Variants in CDH4 observed in about 807,000 individuals in gnomAD.
CDH4 encodes the protein cadherin 4, also known as cadherin-4.
Under a neutral mutation model 86.0 loss-of-function variants are expected in CDH4, and 33 were observed. The ratio of observed to expected loss-of-function variants is 0.38; its 90% CI spans 0.29 to 0.51. CDH4 has a LOEUF of 0.51. Among genes scored for constraint, CDH4 ranks in the 20% least tolerant of loss-of-function variants. The probability of loss-of-function intolerance (pLI) is 0.86; values close to 1 mark genes in which losing one functional copy is unlikely to be tolerated. For synonymous variants in CDH4, 555 were observed against 549.4 expected (o/e 1.01, Z -0.14); for missense variants, 1,114 against 1,307.4 (o/e 0.85, Z 2.28).
chr20:61,768,019 G>A (rs957071891), intron 3 of CDH4, among the ~76,000 whole-genome samples: 8 of 152,212 alleles, frequency 5.3e-5, no homozygotes, highest in African/African-American at 1.9e-4. Flanking sequence ...CAGATCTGCA[G>A]GCACGAGCTT....
intron 2 of CDH4, among the ~76,000 whole-genome samples, chr20:61,494,468 G>A (rs913083075): frequency 1.3e-5 from 2 of 152,132 alleles, no homozygotes; most frequent in African/African-American, 4.8e-5. Flanking sequence ...AAATACAGAA[G>A]GGCTCAATTG....
Position 61,459,644 on chromosome 20 carries a change from CT to C in CDH4, c.169+204708del, listed in dbSNP as rs2085430792. Among the ~76,000 whole-genome samples the C allele has an allele frequency of 2.0e-5, 3 of 151,382 alleles. No individual in the cohort carries two copies. In the South Asian group the frequency reaches 6.5e-4, roughly 33 times the overall value. Reference sequence around the variant, plus strand: ...ATGGTGAGGACACCATAGATGCGGGCTGACAAGGCTGACCTGTGGTCCAGGG... The same window carrying C: ...ATGGTGAGGACACCATAGATGCGGGCGACAAGGCTGACCTGTGGTCCAGGG... On this transcript the variant is annotated intron_variant, in intron 2 of 15. Coordinates refer to ENST00000614565, the MANE Select transcript of CDH4 (RefSeq NM_001794.5).
intron 4 of CDH4, among the ~76,000 whole-genome samples, chr20:61,797,510 G>A (rs1203912276): frequency 4.6e-5 from 7 of 152,310 alleles, no homozygotes; most frequent in South Asian, 4.1e-4. Context: ...AAAAACATCC[G>A]GCCTCTGGCA....
chr20:61,927,028 C>T (rs1472810331), intron 11 of CDH4, among the ~76,000 whole-genome samples: 7 of 152,212 alleles, frequency 4.6e-5, no homozygotes, highest in South Asian at 2.1e-4. Flanking sequence ...TCTCCGATCA[C>T]GTGCCGTGCC....
chr20:61,876,648 G>A (rs1458129819), intron 7 of CDH4, among the ~76,000 whole-genome samples: 2 of 152,136 alleles, frequency 1.3e-5, no homozygotes, highest in Non-Finnish European at 2.9e-5. Context: ...ATGATAAGCT[G>A]GGGATCTAAA....
chr20:61,433,413 A>G (rs574628241), intron 2 of CDH4, among the ~76,000 whole-genome samples: 63 of 152,208 alleles, frequency 4.1e-4, no homozygotes, highest in African/African-American at 1.5e-3. Flanking sequence ...GAAATCTGGT[A>G]GCGTCAGCCA....
intron 2 of CDH4, among the ~76,000 whole-genome samples, chr20:61,690,995 C>T (rs1434918430): frequency 6.6e-6 from 1 of 152,190 alleles, no homozygotes; most frequent in African/African-American, 2.4e-5. Flanking sequence ...CCCAGCCCTT[C>T]CTGGGTCGAG....
At chr20:61,679,798 C>A (rs557340766) in intron 2 of CDH4, among the ~76,000 whole-genome samples, 2 of 152,356 alleles carry the variant, frequency 1.3e-5, no homozygotes, top group South Asian at 2.1e-4. Context: ...GCAGCAGAAA[C>A]CTGGACCACA....
chr20:61,838,842 AG>A (rs1982002012), intron 4 of CDH4, among the ~76,000 whole-genome samples: 1 of 116,910 alleles, frequency 8.6e-6, no homozygotes, highest in South Asian at 3.3e-4. Context: ...AAAAAAAGAA[AG>A]AAAGAAAAGG....
intron 2 of CDH4, among the ~76,000 whole-genome samples, chr20:61,693,874 C>CTCTT (rs1235918729): frequency 3.4e-5 from 5 of 146,894 alleles, no homozygotes; most frequent in Non-Finnish European, 6.0e-5. Context: ...TTCTCAGACA[C>CTCTT]TCTTTCTTTC....
chr20:61,428,003 G>A (rs1307604033), intron 2 of CDH4, among the ~76,000 whole-genome samples: 1 of 152,166 alleles, frequency 6.6e-6, no homozygotes, highest in East Asian at 1.9e-4. Flanking sequence ...GAGAACTACT[G>A]AGGAGTGAAT....
chr20:61,771,631 A>C (rs896806463), intron 3 of CDH4, among the ~76,000 whole-genome samples: 2 of 151,650 alleles, frequency 1.3e-5, no homozygotes, highest in African/African-American at 2.4e-5. Flanking sequence ...CAAAAAAAAA[A>C]AAAAAAAGGA....
At position 61,517,937 on chromosome 20, in the gene CDH4, G is replaced by T. The variant is rs770097238; in HGVS notation, c.170-225626G>T. 6.6e-6 allele frequency among the ~76,000 whole-genome samples: 1 copy of T among 152,166 alleles called. No individual in the cohort carries two copies. The highest frequency in any genetic ancestry group is 2.4e-5 in the African/African-American group (1 of 41,460). On this transcript the variant is annotated intron_variant, in intron 2 of 15. Transcript: ENST00000614565. This position sits in a 1 kb window ranked among gnomAD's most constrained non-coding sequence, Gnocchi z 6.6. ...CCAAATGCACAGACACAGCCAGACA[G>T]CTTCTGGGGCTGATTGCCCCTGGAT...
chr20:61,768,269 T>C (rs2088725120), intron 3 of CDH4, among the ~76,000 whole-genome samples: 1 of 152,192 alleles, frequency 6.6e-6, no homozygotes, highest in Non-Finnish European at 1.5e-5. Context: ...ACACATGTAT[T>C]CATACATGTG....
intron 2 of CDH4, among the ~76,000 whole-genome samples, chr20:61,268,042 C>T (rs566747852): frequency 6.6e-6 from 1 of 152,304 alleles, no homozygotes; most frequent in South Asian, 2.1e-4. Flanking sequence ...TGGGCCTGTA[C>T]TTGACAGGGG....
chr20:61,502,872 G>A (rs1010970889), intron 2 of CDH4, among the ~76,000 whole-genome samples: 2 of 152,182 alleles, frequency 1.3e-5, no homozygotes, highest in East Asian at 3.8e-4. Context: ...CATTTCTGGA[G>A]AAGACACAGT....
chr20:61,291,533 T>C (rs2084320892), intron 2 of CDH4, among the ~76,000 whole-genome samples: 1 of 152,194 alleles, frequency 6.6e-6, no homozygotes, highest in Non-Finnish European at 1.5e-5. Flanking sequence ...GAGTGCCTCC[T>C]TCATGTAGGG....
intron 2 of CDH4, among the ~76,000 whole-genome samples, chr20:61,620,489 T>C (rs2086767645): frequency 6.6e-6 from 1 of 151,956 alleles, no homozygotes; most frequent in South Asian, 2.1e-4. Flanking sequence ...AGATGGATGA[T>C]GGATGGATGA....
chr20:61,608,194 C>T (rs1160344143), intron 2 of CDH4, among the ~76,000 whole-genome samples: 2 of 152,188 alleles, frequency 1.3e-5, no homozygotes, highest in Non-Finnish European at 2.9e-5. Context: ...GTCTGCTTGT[C>T]ATAACGCTTG....
Sources: gnomAD v4.1 joint callset for allele counts (sites outside exome capture counted in the v4.1 genomes callset) on GRCh38, gnomAD v4.1.1 for gene constraint, Gnocchi (gnomAD v3.1) non-coding constraint, MANE v1.5 for transcripts, NCBI Gene and HGNC (gene_info 2026-07-23, HGNC 2026-07-21) for gene names.